Variants in DCHS1 observed in about 807,000 individuals in gnomAD.
DCHS1 encodes the protein dachsous cadherin-related 1.
In DCHS1, 78 loss-of-function variants were observed where a neutral mutation model predicts 213.9. The ratio of observed to expected loss-of-function variants is 0.36; its 90% CI spans 0.30 to 0.44. The LOEUF is 0.44. Ranked by LOEUF, DCHS1 falls within the 20% of genes least tolerant of loss-of-function variation. DCHS1 has a pLI of 1.00. For missense variants in DCHS1, 3,946 were observed against 4,395.9 expected (o/e 0.90, Z 2.89); for synonymous variants, 1,828 against 1,873.7 (o/e 0.98, Z 0.63).
rs1855748884 is a variant in DCHS1 at position 6,623,923 on chromosome 11, C to T, written c.7753G>A (p.Val2585Ile). 1 of 1,608,144 alleles carries T rather than the reference C, an allele frequency of 6.2e-7. No individual in the cohort carries two copies. Among genetic ancestry groups the T allele is most frequent in the African/African-American group, 1.3e-5 (1 of 74,942 alleles). Residue 2585 changes from valine to isoleucine, a missense_variant, in exon 21 of 21, where the codon GTC (valine) becomes ATC (isoleucine). Coordinates refer to ENST00000299441, the MANE Select transcript of DCHS1 (RefSeq NM_003737.4). ...ADRGQPPQSS[V>I]VPVTVTVLDV... ...AGTACAGTGACAGTGACTGGCACGA[C>T]TGAGCTTTGGGGTGGCTGCCCACGG...
intron 1 of DCHS1, among the ~76,000 whole-genome samples, chr11:6,644,772 T>C (rs1415184082): frequency 1.3e-5 from 2 of 152,246 alleles, no homozygotes; most frequent in African/African-American, 2.4e-5. Context: ...TCCATGGTCA[T>C]GCCAACTGAG....
rs1340600925 is a variant in DCHS1 at position 6,622,752 on chromosome 11, A to G, written c.8924T>C (p.Met2975Thr). 4 of 1,591,490 alleles carry G rather than the reference A, an allele frequency of 2.5e-6. No homozygotes were observed. Among genetic ancestry groups the G allele is most frequent in the South Asian group, 1.1e-5 (1 of 87,434 alleles). ...SRKAEAAPGP[M>T]SQAAPLASDS... Reference sequence around the variant, plus strand: ...ACTGGCTAGGGGTGCTGCCTGTGACATTGGGCCAGGGGCTGCCTCAGCCTT... The same window carrying G: ...ACTGGCTAGGGGTGCTGCCTGTGACGTTGGGCCAGGGGCTGCCTCAGCCTT... Residue 2975 changes from methionine to threonine, a missense_variant, in exon 21 of 21, where the codon ATG becomes ACG. Met to Thr is a moderately conservative substitution (Grantham distance 81). Coordinates refer to ENST00000299441, the MANE Select transcript of DCHS1 (RefSeq NM_003737.4). The surrounding 1 kb of genome is among the most constrained non-coding windows in gnomAD (Gnocchi z 5.4).
intron 1 of DCHS1, among the ~76,000 whole-genome samples, chr11:6,653,875 T>C (rs543443350): frequency 6.6e-6 from 1 of 152,136 alleles, no homozygotes; most frequent in South Asian, 2.1e-4. Flanking sequence ...AAGAGTGTAA[T>C]GGGAGCGAGA....
chr11:6,630,002 T>C lies in DCHS1; in HGVS notation c.4792A>G (p.Thr1598Ala). The stretch of plus-strand genomic sequence containing the variant: ...CACTCCCAGACCTAACTCTCACCAG[T>C]GCTTGAGTGCAGCCGGAAGTGGCCG... ...GDGHFRLHSSTGALSVVRPLD... is the reference protein window; with the variant it reads ...GDGHFRLHSSAGALSVVRPLD... Residue 1598 changes from threonine (T) to alanine (A), a missense_variant, in exon 10 of 21, where the codon ACT (threonine) becomes GCT (alanine). By Grantham distance (58) the Thr-to-Ala change is moderately conservative. Coordinates refer to ENST00000299441, the MANE Select transcript of DCHS1 (RefSeq NM_003737.4). 7 of 1,569,074 alleles carry C rather than the reference T, an allele frequency of 4.5e-6. No individual in the cohort carries two copies. Among genetic ancestry groups the C allele is most frequent in the Non-Finnish European group, 6.1e-6 (7 of 1,153,630 alleles).
chr11:6,626,019 G>T lies in DCHS1; in HGVS notation c.6632C>A (p.Ala2211Asp). 1.9e-6 allele frequency: 3 copies of T among 1,612,512 alleles called. No individual in the cohort carries two copies. Among genetic ancestry groups the T allele is most frequent in the Non-Finnish European group, 2.5e-6 (3 of 1,179,246 alleles). ...CAATCCACGTGCCGGCTGGGATGCA[G>T]CCAGACTGTAGGAAATCTGTCCTCC... Reference protein sequence around the residue: ...GSGGQISYSLAASQPARGLFH... With the variant: ...GSGGQISYSLDASQPARGLFH... The change falls in exon 17 of 21, where the codon GCT becomes GAT. Residue 2211 changes from alanine to aspartate, a missense_variant. Ala to Asp is a moderately radical substitution (Grantham distance 126). Coordinates refer to ENST00000299441, the MANE Select transcript of DCHS1 (RefSeq NM_003737.4). This position sits in a 1 kb window ranked among gnomAD's most constrained non-coding sequence, Gnocchi z 5.2.
rs776531644 is a variant in DCHS1, at chr11:6,626,753, G to A, written c.6250+36C>T. The A allele has an allele frequency of 6.2e-7, 1 of 1,609,122 alleles. No individual in the cohort carries two copies. Among genetic ancestry groups the A allele is most frequent in the Non-Finnish European group, 8.5e-7 (1 of 1,177,714 alleles). On this transcript the variant is annotated intron_variant, in intron 14 of 20. Coordinates refer to ENST00000299441, the MANE Select transcript of DCHS1 (RefSeq NM_003737.4). This position sits in a 1 kb window ranked among gnomAD's most constrained non-coding sequence, Gnocchi z 5.2. The stretch of plus-strand genomic sequence containing the variant: ...TCAAAGCACAACCCCAGCCCATTTG[G>A]GAGTCTGAATCTGGAAGAAATGGCT...
chr11:6,648,648 G>C (rs1377971067), intron 1 of DCHS1, among the ~76,000 whole-genome samples: 3 of 152,224 alleles, frequency 2.0e-5, no homozygotes, highest in Non-Finnish European at 4.4e-5. Flanking sequence ...GGACAGGATA[G>C]TGGTTAAGAT....
At position 6,628,809 on chromosome 11, in the gene DCHS1, G is replaced by A; in HGVS notation, c.5183C>T (p.Ser1728Leu). The change falls in exon 13 of 21, where the codon TCA (serine) becomes TTA (leucine). Residue 1728 changes from serine to leucine, a missense_variant. Ser to Leu is a moderately radical substitution (Grantham distance 145). Transcript: ENST00000299441. This position sits in a 1 kb window ranked among gnomAD's most constrained non-coding sequence, Gnocchi z 4.3. Reference sequence around the variant, plus strand: ...AGTGACATGCGTTAACTGAGGAGGTGAGCCCCTGTCCTGGGCATACACTGT... The same window carrying A: ...AGTGACATGCGTTAACTGAGGAGGTAAGCCCCTGTCCTGGGCATACACTGT... Reference protein sequence around the residue: ...NLTVYAQDRGSPPQLTHVTVR... With the variant: ...NLTVYAQDRGLPPQLTHVTVR... The A allele has an allele frequency of 1.9e-6, 3 of 1,613,696 alleles. No individual in the cohort carries two copies. Among genetic ancestry groups the A allele is most frequent in the Non-Finnish European group, 2.5e-6 (3 of 1,179,770 alleles).
chr11:6,632,843 T>G lies in DCHS1; in HGVS notation c.2669A>C (p.Asn890Thr). The G allele has an allele frequency of 1.2e-6, 2 of 1,613,258 alleles. No homozygotes were observed. Among genetic ancestry groups the G allele is most frequent in the South Asian group, 2.2e-5 (2 of 91,038 alleles). ...TTCAGGTGCAGGAAAGGCAGGGGAG[T>G]TGTCATTCACATCATCCAGCAGCAC... ...VRVLLDDVND[N>T]SPAFPAPEDT... The change falls in exon 6 of 21, where the codon AAC (asparagine) becomes ACC (threonine). Residue 890 changes from asparagine to threonine, a missense_variant. Asn to Thr is a moderately conservative substitution (Grantham distance 65). Coordinates refer to ENST00000299441, the MANE Select transcript of DCHS1 (RefSeq NM_003737.4). This position sits in a 1 kb window ranked among gnomAD's most constrained non-coding sequence, Gnocchi z 5.9.
chr11:6,632,999 G>A lies in DCHS1; in HGVS notation c.2513C>T (p.Ser838Phe). The A allele has an allele frequency of 1.2e-6, 2 of 1,613,174 alleles. No homozygotes were observed. Among genetic ancestry groups the A allele is most frequent in the East Asian group, 2.2e-5 (1 of 44,854 alleles). The change falls in exon 6 of 21, where the codon TCC becomes TTC. Residue 838 changes from serine to phenylalanine, a missense_variant. Physicochemically the swap from Ser to Phe is radical, Grantham distance 155 (BLOSUM62 -2). Around this residue, in one of 3 missense-constraint regions of DCHS1, gnomAD observed 3,384 missense variants for 3,780.1 expected, o/e 0.90. Transcript: ENST00000299441. This position sits in a 1 kb window ranked among gnomAD's most constrained non-coding sequence, Gnocchi z 5.9. Reference protein sequence around the residue: ...LSGGDPRGLFSLDAVSGLLQT... With the variant: ...LSGGDPRGLFFLDAVSGLLQT... Reference sequence around the variant, plus strand: ...CAACAGTCCTGATACCGCATCTAGGGAGAAGAGTCCTCGGGGATCCCCACC... The same window carrying A: ...CAACAGTCCTGATACCGCATCTAGGAAGAAGAGTCCTCGGGGATCCCCACC...
At position 6,648,480 on chromosome 11, in the gene DCHS1, C is replaced by T. The variant is rs575140748; in HGVS notation, c.-120-6747G>A. 2.0e-5 allele frequency among the ~76,000 whole-genome samples: 3 copies of T among 152,188 alleles called. No homozygotes were observed. The South Asian group carries it at 6.2e-4, about 32-fold the overall frequency. On this transcript the variant is annotated intron_variant, in intron 1 of 20. Coordinates refer to ENST00000299441, the MANE Select transcript of DCHS1 (RefSeq NM_003737.4). ...TCTAGTGATCGTGGAGAAAATTGTG[C>T]CAGAAGAGTACTAAGGGTGCAAGCC... is the stretch of plus-strand genomic sequence containing the variant.
chr11:6,626,194 C>T lies in DCHS1; in HGVS notation c.6551G>A (p.Arg2184Gln), dbSNP rs753090271. The part of the protein sequence containing the change: ...PHYVAFLPES[R>Q]PLEGPLLQVE... Reference sequence around the variant, plus strand: ...CTGCAGCAGGGGCCCCTCCAAGGGCCGGGACTCAGGAAGGAAGGCCACATA... The same window carrying T: ...CTGCAGCAGGGGCCCCTCCAAGGGCTGGGACTCAGGAAGGAAGGCCACATA... The change falls in exon 16 of 21, where the codon CGG (arginine) becomes CAG (glutamine). Residue 2184 changes from arginine to glutamine, a missense_variant. Physicochemically the swap from Arg to Gln is conservative, Grantham distance 43. This residue lies in a region of DCHS1 where 3,384 missense variants were observed against 3,780.1 expected (regional missense o/e 0.90). Coordinates refer to ENST00000299441, the MANE Select transcript of DCHS1 (RefSeq NM_003737.4). The surrounding 1 kb of genome is among the most constrained non-coding windows in gnomAD (Gnocchi z 5.2). 9.3e-6 allele frequency: 15 copies of T among 1,609,320 alleles called. No homozygotes were observed. The highest frequency in any genetic ancestry group is 3.4e-5 in the Admixed American group (2 of 59,298).
rs755438821 is a variant in DCHS1 at position 6,631,730 on chromosome 11, C to T, written c.3561G>A (p.Gly1187=). ...YQLLVQVQDG[G]SPPRSTTGTV... Reference sequence around the variant, plus strand: ...TGCCTGTGGTGCTGCGGGGTGGGCTCCCTCCATCCTGCACCTGCACCAGGA... The same window carrying T: ...TGCCTGTGGTGCTGCGGGGTGGGCTTCCTCCATCCTGCACCTGCACCAGGA... The change falls in exon 7 of 21, where the codon GGG becomes GGA. Residue 1187 remains glycine, a synonymous_variant. Coordinates refer to ENST00000299441, the MANE Select transcript of DCHS1 (RefSeq NM_003737.4). 10 of 1,608,834 alleles carry T rather than the reference C, an allele frequency of 6.2e-6. No individual in the cohort carries two copies. The highest frequency in any genetic ancestry group is 8.5e-6 in the Non-Finnish European group (10 of 1,177,430).
rs747930927 is a variant in DCHS1 at position 6,627,304 on chromosome 11, C to A, written c.5735G>T (p.Arg1912Leu). Residue 1912 changes from arginine (R) to leucine (L), a missense_variant, in exon 14 of 21, where the codon CGC (arginine) becomes CTC (leucine). By Grantham distance (102) the Arg-to-Leu change is moderately radical (BLOSUM62 -2). Coordinates refer to ENST00000299441, the MANE Select transcript of DCHS1 (RefSeq NM_003737.4). This position sits in a 1 kb window ranked among gnomAD's most constrained non-coding sequence, Gnocchi z 5.4. The stretch of plus-strand genomic sequence containing the variant: ...TTCTCTGTCCAAGGCTGCAGCTGTG[C>A]GCAGTTCTCCAGAGCTGGGCTCCAG... ...FLLEPSSGEL[R>L]TAAALDREQC... 6.2e-7 allele frequency: 1 copy of A among 1,611,942 alleles called. No individual in the cohort carries two copies. The highest frequency in any genetic ancestry group is 8.5e-7 in the Non-Finnish European group (1 of 1,179,206).
chr11:6,628,634 C>T lies in DCHS1; in HGVS notation c.5358G>A (p.Gln1786=), dbSNP rs1275545974. Residue 1786 remains glutamine (Q), a synonymous_variant, in exon 13 of 21, where the codon CAG becomes CAA. Transcript: ENST00000299441. This position sits in a 1 kb window ranked among gnomAD's most constrained non-coding sequence, Gnocchi z 4.3. The part of the protein sequence containing the change: ...DPDVGANGQL[Q]YRILDGDPSG... ...GAAGGTTCTCACCTAGGATGCGGTA[C>T]TGCAACTGCCCATTGGCTCCCACAT... 2 of 1,614,036 alleles carry T rather than the reference C, an allele frequency of 1.2e-6. No individual in the cohort carries two copies. Among genetic ancestry groups the T allele is most frequent in the South Asian group, 2.2e-5 (2 of 91,080 alleles).
chr11:6,624,315 G>A lies in DCHS1; in HGVS notation c.7361C>T (p.Ala2454Val). 6.3e-7 allele frequency: 1 copy of A among 1,584,882 alleles called. No homozygotes were observed. The highest frequency in any genetic ancestry group is 8.6e-7 in the Non-Finnish European group (1 of 1,166,452). Residue 2454 changes from alanine (A) to valine (V), a missense_variant, in exon 21 of 21, where the codon GCA becomes GTA. Physicochemically the swap from Ala to Val is moderately conservative, Grantham distance 64 (BLOSUM62 0). Coordinates refer to ENST00000299441, the MANE Select transcript of DCHS1 (RefSeq NM_003737.4). Reference sequence around the variant, plus strand: ...CCGGCCTGGAGCCCCGTGGTCTCGTGCTTCCAGCACCACATCCACTGCTCC... The same window carrying A: ...CCGGCCTGGAGCCCCGTGGTCTCGTACTTCCAGCACCACATCCACTGCTCC... The part of the protein sequence containing the change: ...GSGAVDVVLE[A>V]RDHGAPGRAA...
intron 2 of DCHS1, among the ~76,000 whole-genome samples, chr11:6,638,106 G>C (rs983751176): frequency 1.3e-5 from 2 of 152,194 alleles, no homozygotes; most frequent in Non-Finnish European, 2.9e-5. Context: ...GTGGAAGAGT[G>C]GGTGGTGGAG....
chr11:6,634,066 T>G, intron 3 of DCHS1, 46 bp from the exon 4 acceptor site: 1 of 1,603,794 alleles, frequency 6.2e-7, no homozygotes, highest in Non-Finnish European at 8.5e-7. Flanking sequence ...CATCTGGCCC[T>G]GGTGAGTGCC....
chr11:6,623,348 C>T lies in DCHS1; in HGVS notation c.8328G>A (p.Glu2776=), dbSNP rs1855737117. Residue 2776 remains glutamate (E), a synonymous_variant, in exon 21 of 21, where the codon GAG becomes GAA. Coordinates refer to ENST00000299441, the MANE Select transcript of DCHS1 (RefSeq NM_003737.4). ...ELRARVPFDY[E]HTESFRLLVG... ...CCAGCAGCCGGAAGCTTTCTGTGTGCTCATAGTCAAAGGGCACTCGCGCAC... is the reference window on the plus strand; with the variant it reads ...CCAGCAGCCGGAAGCTTTCTGTGTGTTCATAGTCAAAGGGCACTCGCGCAC... The T allele has an allele frequency of 1.9e-6, 3 of 1,596,506 alleles. No homozygotes were observed. The highest frequency in any genetic ancestry group is 2.6e-6 in the Non-Finnish European group (3 of 1,171,534).
Sources: gnomAD v4.1 joint callset for allele counts (sites outside exome capture counted in the v4.1 genomes callset) on GRCh38, gnomAD v4.1.1 for gene constraint, gnomAD v4.1.1 regional missense constraint, Gnocchi (gnomAD v3.1) non-coding constraint, MANE v1.5 for transcripts, NCBI Gene and HGNC (gene_info 2026-07-23, HGNC 2026-07-21) for gene names.